The following TAFA1 variants were observed in gnomAD, a reference collection of about 807,000 sequenced individuals.
The protein encoded by TAFA1 is TAFA chemokine like family member 1.
In TAFA1, 4 loss-of-function variants were observed where a neutral mutation model predicts 18.5. The observed-to-expected ratio is 0.22, with a 90% CI of 0.11 to 0.49. The LOEUF (loss-of-function observed/expected upper bound fraction) is 0.49, where lower values mean the gene tolerates loss of function less well. Among genes scored for constraint, TAFA1 ranks in the 20% least tolerant of loss-of-function variants. The pLI is 0.98. For synonymous variants in TAFA1, 56 were observed against 55.2 expected, an observed-to-expected ratio of 1.01 and a Z score of -0.06; for missense variants, 147 against 169.0, an observed-to-expected ratio of 0.87 and a Z score of 0.72.
At chr3:68,491,314 A>G (rs1263933470) in intron 3 of TAFA1, among the ~76,000 whole-genome samples, 1 of 152,184 alleles carries the variant, frequency 6.6e-6, no homozygotes, top group Non-Finnish European at 1.5e-5. Context: ...GATAGACTGG[A>G]TTAAGAAAAG....
intron 3 of TAFA1, among the ~76,000 whole-genome samples, chr3:68,472,690 A>G (rs989272785): frequency 1.3e-5 from 2 of 152,274 alleles, no homozygotes; most frequent in South Asian, 2.1e-4. Flanking sequence ...AGTTCTTTCT[A>G]TTATTTTTTA....
At chr3:68,371,687 G>T (rs995289790) in intron 2 of TAFA1, among the ~76,000 whole-genome samples, 2 of 152,162 alleles carry the variant, frequency 1.3e-5, no homozygotes, top group African/African-American at 4.8e-5. Context: ...CAATAAATGG[G>T]TTTTTGTGAA....
At chr3:68,452,252 G>A (rs1162428324) in intron 3 of TAFA1, among the ~76,000 whole-genome samples, 3 of 152,000 alleles carry the variant, frequency 2.0e-5, no homozygotes, top group Admixed American at 6.6e-5. Flanking sequence ...GCTGGGCGCC[G>A]TGGCTCACAT....
intron 2 of TAFA1, among the ~76,000 whole-genome samples, chr3:68,163,069 GAACA>G (rs2065944661): frequency 6.6e-6 from 1 of 152,130 alleles, no homozygotes; most frequent in South Asian, 2.1e-4. Context: ...AATGACTAGA[GAACA>G]AATAAAGCTT....
At chr3:68,138,019 T>G (rs1392019591) in intron 2 of TAFA1, among the ~76,000 whole-genome samples, 1 of 151,988 alleles carries the variant, frequency 6.6e-6, no homozygotes, top group Non-Finnish European at 1.5e-5. Context: ...AGTAGATATT[T>G]ACTTCCCGAA....
chr3:68,458,220 G>A (rs1305838968), intron 3 of TAFA1, among the ~76,000 whole-genome samples: 6 of 151,974 alleles, frequency 3.9e-5, no homozygotes, highest in Non-Finnish European at 8.8e-5. Flanking sequence ...CCCTTCTCCA[G>A]CCATGTAGGA....
intron 2 of TAFA1, among the ~76,000 whole-genome samples, chr3:68,013,926 A>G (rs1303795967): frequency 6.6e-6 from 1 of 152,190 alleles, no homozygotes; most frequent in African/African-American, 2.4e-5. Context: ...AACGCAGGGA[A>G]GGAGTCAAAC....
chr3:68,422,660 T>C (rs1478208769), intron 3 of TAFA1, among the ~76,000 whole-genome samples: 2 of 152,110 alleles, frequency 1.3e-5, no homozygotes, highest in African/African-American at 4.8e-5. Context: ...GAGAAAATTT[T>C]AAGTGGTGAT....
chr3:68,046,549 T>C (rs892181234), intron 2 of TAFA1, among the ~76,000 whole-genome samples: 1 of 152,200 alleles, frequency 6.6e-6, no homozygotes. Flanking sequence ...TAGGGTCCAA[T>C]TGTCTTATTG....
chr3:68,527,906 A>G (rs1397595427), intron 3 of TAFA1, among the ~76,000 whole-genome samples: 1 of 152,180 alleles, frequency 6.6e-6, no homozygotes, highest in Non-Finnish European at 1.5e-5. Flanking sequence ...ACCCTCACCA[A>G]GATAAGATTG....
Position 68,438,546 on chromosome 3 carries a change from G to A in TAFA1, c.259+21126G>A, listed in dbSNP as rs192958749. On this transcript the variant is annotated intron_variant, in intron 3 of 4. Transcript: ENST00000478136. ...CTCTCTACAGTTATGGGGTCTTGGT[G>A]TTAGTCCCACTCCCATGGCTCCATT... is the stretch of plus-strand genomic sequence containing the variant. Among the ~76,000 whole-genome samples, 292 of 152,136 alleles carry A rather than the reference G, an allele frequency of 1.9e-3. 2 individuals are homozygous for A. The highest frequency in any genetic ancestry group is 6.7e-3 in the African/African-American group (277 of 41,532).
At chr3:68,432,493 C>G (rs1276615634) in intron 3 of TAFA1, among the ~76,000 whole-genome samples, 1 of 151,890 alleles carries the variant, frequency 6.6e-6, no homozygotes, top group Non-Finnish European at 1.5e-5. Flanking sequence ...AGAAATCATG[C>G]AATTTTGATT....
rs1479926577 is a variant in TAFA1 at position 68,113,888 on chromosome 3, GTTTTTTTTGTTTTTTT to G, written c.118+107153_118+107168del. On this transcript the variant is annotated intron_variant, in intron 2 of 4. Coordinates refer to ENST00000478136, the MANE Select transcript of TAFA1 (RefSeq NM_213609.4). Reference sequence around the variant, plus strand: ...TGACAGTGTGACAGTTTGGGGTGTAGTTTTTTTTGTTTTTTTTTTTTTTTTTTTTTTTATGAGACAG... The same window carrying G: ...TGACAGTGTGACAGTTTGGGGTGTAGTTTTTTTTTTTTTTTTATGAGACAG... Among the ~76,000 whole-genome samples, 9 of 57,886 alleles carry G rather than the reference GTTTTTTTTGTTTTTTT, an allele frequency of 1.6e-4. No homozygotes were observed. In the South Asian group the frequency reaches 4.1e-3, roughly 27 times the overall value. 38.0% of individuals were successfully genotyped at this position (57,886 alleles called of 152,430 possible).
chr3:68,231,098 G>A (rs916773958), intron 2 of TAFA1, among the ~76,000 whole-genome samples: 1 of 152,038 alleles, frequency 6.6e-6, no homozygotes, highest in Non-Finnish European at 1.5e-5. Flanking sequence ...AAATGCATGT[G>A]TATGTTCCTG....
chr3:68,017,135 A>T (rs2106788944), intron 2 of TAFA1, among the ~76,000 whole-genome samples: 1 of 152,338 alleles, frequency 6.6e-6, no homozygotes, highest in Non-Finnish European at 1.5e-5. Context: ...CCCTATTGTG[A>T]AATAAAATGA....
intron 2 of TAFA1, among the ~76,000 whole-genome samples, chr3:68,282,422 A>T (rs1021984139): frequency 2.7e-4 from 15 of 55,270 alleles, no homozygotes; most frequent in African/African-American, 1.4e-3. Context: ...ATGTGTCATA[A>T]AAAAAAAATC....
At chr3:68,374,703 C>G (rs2069774243) in intron 2 of TAFA1, among the ~76,000 whole-genome samples, 1 of 152,160 alleles carries the variant, frequency 6.6e-6, no homozygotes, top group Admixed American at 6.5e-5. Context: ...GGTAAGCATT[C>G]ATCTTATGAT....
chr3:68,273,272 C>T (rs111838879), intron 2 of TAFA1, among the ~76,000 whole-genome samples: 1 of 152,072 alleles, frequency 6.6e-6, no homozygotes, highest in East Asian at 1.9e-4. Flanking sequence ...TATTTGAAGA[C>T]TAAATGACCA....
chr3:68,123,784 C>T (rs2106866194), intron 2 of TAFA1, among the ~76,000 whole-genome samples: 1 of 148,376 alleles, frequency 6.7e-6, no homozygotes, highest in South Asian at 2.1e-4. Context: ...ATTTGTCCCA[C>T]TGCAATAAGC....
Sources: allele counts gnomAD v4.1 joint callset (sites outside exome capture counted in the v4.1 genomes callset), GRCh38; gene constraint gnomAD v4.1.1; transcripts MANE v1.5; gene names NCBI Gene and HGNC (gene_info 2026-07-23, HGNC 2026-07-21).